Variants in SPX observed in about 807,000 individuals in gnomAD.
The protein encoded by SPX is spexin hormone.
Under a neutral mutation model 19.2 loss-of-function variants are expected in SPX, and 22 were observed. The ratio of observed to expected loss-of-function variants is 1.15; its 90% confidence interval spans 0.82 to 1.64. The LOEUF (loss-of-function observed/expected upper bound fraction) is 1.64. Ranked by LOEUF, SPX falls within the 40% of genes most tolerant of loss-of-function variation. The pLI is 0.00. For synonymous variants in SPX, 50 were observed against 53.3 expected (o/e 0.94, Z 0.27); for missense variants, 143 against 137.7 (o/e 1.04, Z -0.19).
Position 21,527,151 on chromosome 12 carries a change from G to A in SPX, c.104G>A (p.Arg35Lys), listed in dbSNP as rs778453757. 1.1e-4 allele frequency: 177 copies of A among 1,613,874 alleles called. No homozygotes were observed. Among genetic ancestry groups the A allele is most frequent in the Non-Finnish European group, 1.5e-4 (175 of 1,179,994 alleles). Reference protein sequence around the residue: ...SCAPQRLLERRNWTPQAMLYL... With the variant: ...SCAPQRLLERKNWTPQAMLYL... The stretch of plus-strand genomic sequence containing the variant: ...GGGCTATAGAGACTGTTGGAGAGAA[G>A]GAACTGGACTCCTCAAGCTATGCTC... Residue 35 changes from arginine to lysine, a missense_variant, in exon 3 of 6, where the codon AGG becomes AAG. Transcript: ENST00000256969.
rs1410998545 is a variant in SPX, at chr12:21,532,797, A to G, written c.*1602A>G. On this transcript the variant is annotated 3_prime_UTR_variant, in exon 6 of 6. Coordinates refer to ENST00000256969, the MANE Select transcript of SPX (RefSeq NM_030572.4). The stretch of plus-strand genomic sequence containing the variant: ...ATTCTTCCTACAACTAACCAGAACA[A>G]TCTCAAAAATGTCATACTAACCATT... 1.3e-5 allele frequency: 2 copies of G among 152,200 alleles called. No homozygotes were observed. Among genetic ancestry groups the G allele is most frequent in the Non-Finnish European group, 2.9e-5 (2 of 68,036 alleles). 9.4% of individuals were successfully genotyped at this position (152,200 alleles called of 1,614,324 possible). A position where few individuals can be genotyped will look rare whatever the true frequency, so the allele number is the denominator to read the frequency against.
chr12:21,528,971 G>C, intron 4 of SPX, 30 bp from the exon 5 acceptor site: 1 of 1,566,484 alleles, frequency 6.4e-7, no homozygotes, highest in Non-Finnish European at 8.8e-7. Flanking sequence ...TAAATGCTAA[G>C]AGAATCTGTA....
At chr12:21,527,678 G>A in intron 3 of SPX, 49 bp from the exon 4 acceptor site, 1 of 1,541,046 alleles carries the variant, frequency 6.5e-7, no homozygotes, top group Non-Finnish European at 8.8e-7. Context: ...TTTAAGCCCG[G>A]GTTGTCCCGG....
At chr12:21,527,973 C>A (rs906800889) in intron 4 of SPX, 184 bp downstream of exon 4, 9 of 615,660 alleles carry the variant, frequency 1.5e-5, no homozygotes, top group East Asian at 6.3e-5. Flanking sequence ...CAGCTGGATG[C>A]CGAGCGCCGG....
rs1167380880 is a variant in SPX at position 21,527,775 on chromosome 12, A to G, written c.194A>G (p.Asp65Gly). Residue 65 changes from aspartate to glycine, a missense_variant, in exon 4 of 6, where the codon GAC (aspartate) becomes GGC (glycine). Physicochemically the swap from Asp to Gly is moderately conservative, Grantham distance 94. Transcript: ENST00000256969. ...CAGAGCCGGAGAAAGGACCTCTCCG[A>G]CCGGCCACTGCCGGGTGAGTGACCA... ...SDQSRRKDLSDRPLPERRSPN... is the reference protein window; with the variant it reads ...SDQSRRKDLSGRPLPERRSPN... 6.4e-7 allele frequency: 1 copy of G among 1,571,768 alleles called. No homozygotes were observed. Among genetic ancestry groups the G allele is most frequent in the East Asian group, 2.3e-5 (1 of 43,416 alleles).
At chr12:21,529,987 G>C (rs1943848917) in intron 5 of SPX, among the ~76,000 whole-genome samples, 1 of 152,208 alleles carries the variant, frequency 6.6e-6, no homozygotes, top group African/African-American at 2.4e-5. Flanking sequence ...TAATGGACAA[G>C]AGAGAGCTAA....
At chr12:21,526,512 A>G (rs1426165360) in intron 1 of SPX, 34 bp downstream of exon 1, 1 of 1,581,550 alleles carries the variant, frequency 6.3e-7, no homozygotes, top group African/African-American at 1.3e-5. Context: ...GAGACTTCTT[A>G]GCTATTTTTT....
At position 21,526,874 on chromosome 12, in the gene SPX, C is replaced by A. The variant is rs748729975; in HGVS notation, c.7-12C>A. On this transcript the variant is annotated splice_polypyrimidine_tract_variant and intron_variant, in intron 1 of 5. Transcript: ENST00000256969. ...ACAGAAATGACCCTTTCTGGTTGAT[C>A]GCTTCATATAGGGACTCAGAAGTCT... 6.2e-7 allele frequency: 1 copy of A among 1,613,026 alleles called. No homozygotes were observed.
At chr12:21,527,935 C>A in intron 4 of SPX, 146 bp downstream of exon 4, 2 of 842,256 alleles carry the variant, frequency 2.4e-6, no homozygotes, top group Non-Finnish European at 3.5e-6. Context: ...ACAGTCCGCC[C>A]GAGGGCAGCC....
chr12:21,528,744 A>G (rs1260648334), intron 4 of SPX, among the ~76,000 whole-genome samples: 2 of 152,210 alleles, frequency 1.3e-5, no homozygotes, highest in Non-Finnish European at 2.9e-5. Context: ...TTAAATTATT[A>G]TCTAAAATTC....
At chr12:21,528,943 CTTATCTACATCAAT>C in intron 4 of SPX, 44 bp from the exon 5 acceptor site, 1 of 1,458,524 alleles carries the variant, frequency 6.9e-7, no homozygotes, top group Non-Finnish European at 9.6e-7. Flanking sequence ...TAGAATAGGA[CTTATCTACATCAAT>C]ATATAAATGC....
chr12:21,531,514 G>T lies in SPX; in HGVS notation c.*319G>T. ...TTTAACTATAGCCAGTACCTGTCTT[G>T]ATCTTAGTTGTGTTTTTTTTTCATT... On this transcript the variant is annotated 3_prime_UTR_variant, in exon 6 of 6. Coordinates refer to ENST00000256969, the MANE Select transcript of SPX (RefSeq NM_030572.4). The T allele has an allele frequency of 9.5e-6, 1 of 105,748 alleles. No individual in the cohort carries two copies. Among genetic ancestry groups the T allele is most frequent in the Non-Finnish European group, 1.6e-5 (1 of 61,352 alleles). The allele number at this position is 105,748 out of a possible 1,614,324, so 6.6% of individuals were successfully genotyped here.
rs1345616258 is a variant in SPX at position 21,531,376 on chromosome 12, GCTTCAGGTC to G, written c.*184_*192del. 3 of 487,634 alleles carry G rather than the reference GCTTCAGGTC, an allele frequency of 6.2e-6. No individual in the cohort carries two copies. The East Asian group carries it at 1.0e-4, about 17-fold the overall frequency. The allele number at this position is 487,634 out of a possible 1,614,324, so 30.2% of individuals were successfully genotyped here. A position where few individuals can be genotyped will look rare whatever the true frequency, so the allele number is the denominator to read the frequency against. The stretch of plus-strand genomic sequence containing the variant: ...GCTGAGAACATCATCTTCTTTCATT[GCTTCAGGTC>G]CTGTTTAGATGACCAAAAATGTTTT... On this transcript the variant is annotated 3_prime_UTR_variant, in exon 6 of 6. Transcript: ENST00000256969.
At chr12:21,527,557 C>T in intron 3 of SPX, 170 bp from the exon 4 acceptor site, 2 of 692,428 alleles carry the variant, frequency 2.9e-6, no homozygotes, top group South Asian at 1.9e-5. Context: ...TGGCTCAGCC[C>T]GGGGTTGCGC....
chr12:21,530,832 T>C (rs969881096), intron 5 of SPX, among the ~76,000 whole-genome samples: 1 of 152,166 alleles, frequency 6.6e-6, no homozygotes, highest in Non-Finnish European at 1.5e-5. Context: ...TAGATATAAG[T>C]CAATCTGTGA....
At chr12:21,529,148 G>C (rs995298526) in intron 5 of SPX, 64 bp downstream of exon 5, 34 of 1,496,128 alleles carry the variant, frequency 2.3e-5, no homozygotes, top group Non-Finnish European at 3.2e-5. Flanking sequence ...TCGGGATTCT[G>C]TGTTGAGTGC....
chr12:21,530,223 T>C (rs1943851191), intron 5 of SPX, among the ~76,000 whole-genome samples: 1 of 152,222 alleles, frequency 6.6e-6, no homozygotes, highest in African/African-American at 2.4e-5. Flanking sequence ...TTAGTATTTT[T>C]ATTCTATACT....
Position 21,526,465 on chromosome 12 carries a change from C to A in SPX, c.-8C>A. 1.3e-6 allele frequency: 2 copies of A among 1,590,682 alleles called. No individual in the cohort carries two copies. Among genetic ancestry groups the A allele is most frequent in the Non-Finnish European group, 1.7e-6 (2 of 1,163,598 alleles). ...TAGTTATTTCAGGGTTCTGAAAAGA[C>A]GCAGAACATGAAGGTAAGTAAAGGC... On this transcript the variant is annotated 5_prime_UTR_variant, in exon 1 of 6. Transcript: ENST00000256969.
chr12:21,529,982 G>A (rs752269398), intron 5 of SPX, among the ~76,000 whole-genome samples: 1 of 152,154 alleles, frequency 6.6e-6, no homozygotes, highest in South Asian at 2.1e-4. Context: ...ACTTATAATG[G>A]ACAAGAGAGA....
Sources: allele counts gnomAD v4.1 joint callset (sites outside exome capture counted in the v4.1 genomes callset), GRCh38; gene constraint gnomAD v4.1.1; transcripts MANE v1.5; gene names NCBI Gene and HGNC (gene_info 2026-07-23, HGNC 2026-07-21).